RUBCNL: variants seen among roughly 807,000 people sequenced by gnomAD.
RUBCNL encodes the protein protein associated with UVRAG as autophagy enhancer.
In RUBCNL, 62 loss-of-function variants were observed where a neutral mutation model predicts 69.5. The ratio of observed to expected loss-of-function variants is 0.89; its 90% confidence interval spans 0.73 to 1.10. The LOEUF is 1.10. Ranked by LOEUF, RUBCNL falls within the 50% of genes least tolerant of loss-of-function variation. RUBCNL has a pLI of 0.00. For missense variants in RUBCNL, 768 were observed against 798.1 expected (o/e 0.96, Z 0.45); for synonymous variants, 291 against 303.6 (o/e 0.96, Z 0.43).
intron 1 of RUBCNL, among the ~76,000 whole-genome samples, chr13:46,383,363 A>G (rs894265984): frequency 5.3e-5 from 8 of 152,150 alleles, no homozygotes; most frequent in African/African-American, 1.7e-4. Flanking sequence ...CCCATCACCT[A>G]TGACAAAACC....
intron 8 of RUBCNL, among the ~76,000 whole-genome samples, chr13:46,360,402 A>T (rs1344398210): frequency 1.3e-5 from 2 of 152,220 alleles, no homozygotes; most frequent in Non-Finnish European, 2.9e-5. Flanking sequence ...TACATCCTCC[A>T]CAATTTGGCT....
In RUBCNL at chr13:46,347,033, C is replaced by T. The variant is rs1311702191; in HGVS notation, c.1632-1433G>A. Among the ~76,000 whole-genome samples the T allele has an allele frequency of 2.6e-5, 4 of 152,196 alleles. No homozygotes were observed. In the East Asian group the frequency reaches 7.7e-4, roughly 29 times the overall value. On this transcript the variant is annotated intron_variant, in intron 12 of 14. Coordinates refer to ENST00000429979, the MANE Select transcript of RUBCNL (RefSeq NM_025113.5). The stretch of plus-strand genomic sequence containing the variant: ...GGGGTATGTGTGCAGGTTTGTTACA[C>T]AGGTATATCGCAGGACACTGAGGTT...
chr13:46,347,988 G>T (rs931471967), intron 12 of RUBCNL, among the ~76,000 whole-genome samples: 4 of 151,554 alleles, frequency 2.6e-5, no homozygotes, highest in Admixed American at 2.0e-4. Context: ...AGGAGACTCC[G>T]TCTCAAAAAA....
chr13:46,371,893 C>T, intron 3 of RUBCNL, 48 bp downstream of exon 3: 2 of 1,579,634 alleles, frequency 1.3e-6, no homozygotes, highest in Non-Finnish European at 1.7e-6. Flanking sequence ...CAAGGCGAAG[C>T]AAGGGTGTGA....
Position 46,363,180 on chromosome 13 carries a change from T to C in RUBCNL, c.860A>G (p.Glu287Gly), listed in dbSNP as rs1377664085. ...TTTCACATCATGGTAAGTACGTGTT[T>C]CAGTCACTGGGCTGACCTGTAACAC... ...CAVLQVSPVT[E>G]TRTYHDVKEI... is the part of the protein sequence containing the mutation. Residue 287 changes from glutamate (E) to glycine (G), a missense_variant, in exon 6 of 15, where the codon GAA (glutamate) becomes GGA (glycine). By Grantham distance (98) the Glu-to-Gly change is moderately conservative. Coordinates refer to ENST00000429979, the MANE Select transcript of RUBCNL (RefSeq NM_025113.5). 6.3e-7 allele frequency: 1 copy of C among 1,598,914 alleles called. No individual in the cohort carries two copies.
At chr13:46,347,254 A>G (rs2048265680) in intron 12 of RUBCNL, among the ~76,000 whole-genome samples, 1 of 152,088 alleles carries the variant, frequency 6.6e-6, no homozygotes. Flanking sequence ...AAAAATAACA[A>G]AAATTAGCCA....
At position 46,339,753 on chromosome 13, in the gene RUBCNL, G is replaced by A. The variant is rs144769154; in HGVS notation, c.*3632C>T. On this transcript the variant is annotated 3_prime_UTR_variant, in exon 15 of 15. Coordinates refer to ENST00000429979, the MANE Select transcript of RUBCNL (RefSeq NM_025113.5). ...GTGCGCCTGCAATCCCAGCTACTCGGGAGGGTGAGACAGGAAAATCACTTG... is the reference window on the plus strand; with the variant it reads ...GTGCGCCTGCAATCCCAGCTACTCGAGAGGGTGAGACAGGAAAATCACTTG... Among the ~76,000 whole-genome samples the A allele has an allele frequency of 6.6e-6, 1 of 152,206 alleles. No homozygotes were observed. The highest frequency in any genetic ancestry group is 1.9e-4 in the East Asian group (1 of 5,186).
intron 1 of RUBCNL, among the ~76,000 whole-genome samples, chr13:46,386,879 C>G (rs2049260674): frequency 6.6e-6 from 1 of 152,210 alleles, no homozygotes; most frequent in East Asian, 1.9e-4. Context: ...AAGCCGAACA[C>G]AGGGTCAACC....
intron 1 of RUBCNL, among the ~76,000 whole-genome samples, chr13:46,380,084 T>C (rs554460808): frequency 6.6e-6 from 1 of 152,354 alleles, no homozygotes; most frequent in Admixed American, 6.5e-5. Context: ...GGCTGGGTGG[T>C]ATCACAAAGG....
chr13:46,381,719 AT>A (rs1267738436), intron 1 of RUBCNL, among the ~76,000 whole-genome samples: 2 of 152,104 alleles, frequency 1.3e-5, no homozygotes, highest in African/African-American at 4.8e-5. Context: ...AGTAGCTGGG[AT>A]TACAGGCATG....
At chr13:46,375,152 T>C (rs1388141844) in intron 2 of RUBCNL, among the ~76,000 whole-genome samples, 6 of 152,180 alleles carry the variant, frequency 3.9e-5, no homozygotes, top group African/African-American at 1.2e-4. Flanking sequence ...CCGGGTAGCA[T>C]GCCCCATACC....
At chr13:46,382,412 T>C (rs913611858) in intron 1 of RUBCNL, among the ~76,000 whole-genome samples, 3 of 151,178 alleles carry the variant, frequency 2.0e-5, no homozygotes, top group African/African-American at 7.3e-5. Flanking sequence ...GAAATTGTCA[T>C]GATAGAACTA....
chr13:46,336,251 C>T lies in RUBCNL; in HGVS notation c.*7134G>A, dbSNP rs1386482339. On this transcript the variant is annotated 3_prime_UTR_variant, in exon 15 of 15. Coordinates refer to ENST00000429979, the MANE Select transcript of RUBCNL (RefSeq NM_025113.5). ...ACCAGGAGCTTTGGGTACCAGGCAG[C>T]ACCTCCATCATCAGACTCTACGAAG... 2.0e-5 allele frequency among the ~76,000 whole-genome samples: 3 copies of T among 152,176 alleles called. No individual in the cohort carries two copies. Among genetic ancestry groups the T allele is most frequent in the African/African-American group, 7.2e-5 (3 of 41,444 alleles).
chr13:46,367,897 T>C, intron 5 of RUBCNL, 145 bp downstream of exon 5: 1 of 729,266 alleles, frequency 1.4e-6, no homozygotes, highest in Non-Finnish European at 2.3e-6. Context: ...AAAAAAAAAG[T>C]AGTGTATATA....
chr13:46,377,881 G>C lies in RUBCNL; in HGVS notation c.-123+9C>G. ...AGAGAGAAGACAAAAGGCCAGGTCG[G>C]ACACTCACCAGGAGTATGAATTTCT... On this transcript the variant is annotated intron_variant, in intron 2 of 14. Coordinates refer to ENST00000429979, the MANE Select transcript of RUBCNL (RefSeq NM_025113.5). The C allele has an allele frequency of 6.4e-7, 1 of 1,552,834 alleles. No individual in the cohort carries two copies. The highest frequency in any genetic ancestry group is 8.9e-7 in the Non-Finnish European group (1 of 1,128,554).
At chr13:46,374,525 A>G (rs61948088) in intron 2 of RUBCNL, 2 of 152,260 alleles carry the variant, frequency 1.3e-5, no homozygotes, top group Non-Finnish European at 2.9e-5. Flanking sequence ...GATAGAGGAC[A>G]TATCAGATAT....
chr13:46,362,499 C>T, intron 7 of RUBCNL, 39 bp downstream of exon 7: 3 of 1,468,368 alleles, frequency 2.0e-6, no homozygotes, highest in African/African-American at 1.4e-5. Context: ...GAGGTGACAG[C>T]CCAAGGGTCT....
chr13:46,343,597 TC>T, intron 14 of RUBCNL, 100 bp from the exon 15 acceptor site: 1 of 1,260,364 alleles, frequency 7.9e-7, no homozygotes, highest in Non-Finnish European at 1.1e-6. Flanking sequence ...GGGGTCTGAA[TC>T]CAGAGCCCAG....
At position 46,367,984 on chromosome 13, in the gene RUBCNL, T is replaced by C. The variant is rs1886172; in HGVS notation, c.826+58A>G. 2.4e-3 allele frequency: 3,554 copies of C among 1,501,318 alleles called. 46 individuals are homozygous for C. The African/African-American group carries it at 0.03, about 12-fold the overall frequency. 93.0% of individuals were successfully genotyped at this position (1,501,318 alleles called of 1,614,324 possible). ...ATGCCCCGTGGATAAGGGGTAATTA[T>C]AGAGGAGATATATGTGAAACACATA... On this transcript the variant is annotated intron_variant, in intron 5 of 14. Transcript: ENST00000429979.
Sources: gnomAD v4.1 joint callset for allele counts (sites outside exome capture counted in the v4.1 genomes callset) on GRCh38, gnomAD v4.1.1 for gene constraint, MANE v1.5 for transcripts, NCBI Gene and HGNC (gene_info 2026-07-23, HGNC 2026-07-21) for gene names.